Variants in PLEKHA5 observed in about 807,000 individuals in gnomAD.
PLEKHA5 encodes pleckstrin homology domain-containing family A member 5.
A neutral mutation model predicts 181.9 loss-of-function variants in PLEKHA5; 55 were observed. The observed-to-expected ratio is 0.30, with a 90% CI of 0.24 to 0.38. The LOEUF (loss-of-function observed/expected upper bound fraction) is 0.38, where lower values mean the gene tolerates loss of function less well. Ranked by LOEUF, PLEKHA5 falls within the 10% of genes least tolerant of loss-of-function variation. The pLI, the probability that PLEKHA5 is intolerant of heterozygous loss-of-function variation, is 1.00. For missense variants in PLEKHA5, 1,432 were observed against 1,549.5 expected (o/e 0.92, Z 1.27); for synonymous variants, 535 against 529.4 (o/e 1.01, Z -0.15).
chr12:19,360,607 A>AAAAAAAG (rs534487315), intron 28 of PLEKHA5, among the ~76,000 whole-genome samples: 73 of 152,136 alleles, frequency 4.8e-4, no homozygotes, highest in African/African-American at 1.6e-3. Context: ...TTCCGTCTCA[A>AAAAAAAG]AAAAAAGAAA....
chr12:19,296,809 A>C (rs2079931191), intron 15 of PLEKHA5, among the ~76,000 whole-genome samples: 1 of 152,204 alleles, frequency 6.6e-6, no homozygotes, highest in Non-Finnish European at 1.5e-5. Context: ...ATGAGTGAAG[A>C]GGTAGCACTT....
intron 15 of PLEKHA5, among the ~76,000 whole-genome samples, chr12:19,309,943 C>A (rs1272871690): frequency 6.6e-6 from 1 of 152,076 alleles, no homozygotes; most frequent in Non-Finnish European, 1.5e-5. Context: ...TGTTGATGTA[C>A]AATTTCGAAA....
chr12:19,315,387 C>A (rs2088227256), intron 16 of PLEKHA5, among the ~76,000 whole-genome samples: 1 of 152,020 alleles, frequency 6.6e-6, no homozygotes, highest in Admixed American at 6.6e-5. Flanking sequence ...TTAAAGATAG[C>A]CACTTTTTAA....
chr12:19,263,346 T>C (rs2069146603), intron 7 of PLEKHA5, among the ~76,000 whole-genome samples: 1 of 152,168 alleles, frequency 6.6e-6, no homozygotes, highest in Non-Finnish European at 1.5e-5. Flanking sequence ...AATTCGCAAG[T>C]GGCACAGTCA....
At chr12:19,371,117 A>G (rs1446562589) in intron 31 of PLEKHA5, 1 of 151,932 alleles carries the variant, frequency 6.6e-6, no homozygotes, top group Non-Finnish European at 1.5e-5. Flanking sequence ...GGCTCAAGCA[A>G]TCCTCCCACC....
chr12:19,353,916 A>G lies in PLEKHA5; in HGVS notation c.3052A>G (p.Arg1018Gly), dbSNP rs751349073. The G allele has an allele frequency of 6.2e-7, 1 of 1,609,108 alleles. No homozygotes were observed. The highest frequency in any genetic ancestry group is 8.5e-7 in the Non-Finnish European group (1 of 1,175,588). The change falls in exon 26 of 32, where the codon AGA (arginine) becomes GGA (glycine). Residue 1018 changes from arginine to glycine, a missense_variant. By Grantham distance (125) the Arg-to-Gly change is moderately radical. Around this residue, in one of 2 missense-constraint regions of PLEKHA5, gnomAD observed 1,143 missense variants for 1,168.4 expected, o/e 0.98. Transcript: ENST00000429027. ...SHFPVGVVPPRAKSPTPESST... is the reference protein window; with the variant it reads ...SHFPVGVVPPGAKSPTPESST... ...CTTTCCTGTTGGAGTAGTCCCTCCA[A>G]GAGCAAAATCACCAACACCCGAATC... is the stretch of plus-strand genomic sequence containing the variant.
chr12:19,346,127 G>A (rs900783838), intron 23 of PLEKHA5, among the ~76,000 whole-genome samples: 2 of 151,684 alleles, frequency 1.3e-5, no homozygotes, highest in African/African-American at 2.4e-5. Context: ...GAATTTTAAC[G>A]TTGTCATACT....
intron 3 of PLEKHA5, among the ~76,000 whole-genome samples, chr12:19,164,673 T>G (rs1319409898): frequency 6.6e-6 from 1 of 152,186 alleles, no homozygotes; most frequent in Non-Finnish European, 1.5e-5. Flanking sequence ...GTCTTGTCCC[T>G]TGGCTCATCT....
chr12:19,283,566 A>G lies in PLEKHA5; in HGVS notation c.1600A>G (p.Lys534Glu), dbSNP rs763407361. The G allele has an allele frequency of 6.2e-7, 1 of 1,614,144 alleles. No individual in the cohort carries two copies. The highest frequency in any genetic ancestry group is 8.5e-7 in the Non-Finnish European group (1 of 1,179,996). Residue 534 changes from lysine to glutamate, a missense_variant, in exon 12 of 32, where the codon AAA becomes GAA. Lys to Glu is a moderately conservative substitution (Grantham distance 56). Around this residue, in one of 2 missense-constraint regions of PLEKHA5, gnomAD observed 1,143 missense variants for 1,168.4 expected, o/e 0.98. Transcript: ENST00000429027. ...LPRHSTLSSP[K>E]TMVNISDQTM... ...TCGACACAGTACTTTGAGTAGTCCC[A>G]AAACCATGGTAAATATTTCTGACCA...
At chr12:19,371,562 T>C (rs539489958) in intron 31 of PLEKHA5, 89 of 176,810 alleles carry the variant, frequency 5.0e-4, no homozygotes, top group African/African-American at 2.0e-3. Flanking sequence ...ACATATGATA[T>C]TTGGTTTTCC....
At position 19,369,696 on chromosome 12, in the gene PLEKHA5, A is replaced by G. The variant is rs150289434; in HGVS notation, c.3758A>G (p.Lys1253Arg). 10 of 1,599,632 alleles carry G rather than the reference A, an allele frequency of 6.3e-6. No individual in the cohort carries two copies. The African/African-American group carries it at 1.1e-4, about 17-fold the overall frequency. The stretch of plus-strand genomic sequence containing the variant: ...CCATTTTCTTTGTGTGTTTTAGTGA[A>G]AAGTCTGTCCCCATCTCCTGAGTCC... Reference protein sequence around the residue: ...VSRGNQTMAVKSLSPSPESSA... With the variant: ...VSRGNQTMAVRSLSPSPESSA... Residue 1253 changes from lysine to arginine, a missense_variant, in exon 31 of 32, where the codon AAA becomes AGA. Transcript: ENST00000429027.
chr12:19,209,931 C>T (rs905068106), intron 3 of PLEKHA5, among the ~76,000 whole-genome samples: 4 of 152,190 alleles, frequency 2.6e-5, no homozygotes, highest in African/African-American at 9.7e-5. Context: ...CCTGCTCATT[C>T]CTCTCATCAA....
At chr12:19,344,874 C>G (rs536387941) in intron 22 of PLEKHA5, among the ~76,000 whole-genome samples, 67 of 151,168 alleles carry the variant, frequency 4.4e-4, no homozygotes, top group Non-Finnish European at 8.4e-4. Context: ...TTTGGGAGGC[C>G]GAGGCAGGCG....
At chr12:19,359,898 G>A (rs1006303172) in intron 28 of PLEKHA5, among the ~76,000 whole-genome samples, 1 of 151,680 alleles carries the variant, frequency 6.6e-6, no homozygotes, top group African/African-American at 2.4e-5. Flanking sequence ...TCTGGGAGGC[G>A]GAGCTTGCAG....
chr12:19,141,600 C>G (rs541817453), intron 3 of PLEKHA5, among the ~76,000 whole-genome samples: 1 of 152,236 alleles, frequency 6.6e-6, no homozygotes, highest in South Asian at 2.1e-4. Flanking sequence ...AGCTTTTTGC[C>G]TTGTGTTGCA....
chr12:19,137,691 T>G (rs2036062873), intron 3 of PLEKHA5, among the ~76,000 whole-genome samples: 1 of 152,180 alleles, frequency 6.6e-6, no homozygotes. Flanking sequence ...TCTTTCGTTT[T>G]CAAGTTGGTG....
At chr12:19,152,279 A>G (rs1367273447) in intron 3 of PLEKHA5, 3 of 152,236 alleles carry the variant, frequency 2.0e-5, no homozygotes, top group Admixed American at 6.5e-5. Flanking sequence ...CCAAAACTTC[A>G]TAATCTTTAA....
chr12:19,349,677 T>C (rs2101652), intron 25 of PLEKHA5, among the ~76,000 whole-genome samples: 150,883 of 151,202 alleles, frequency 1, 75,283 homozygotes, highest in Middle Eastern at 1. Context: ...GAGGCCGAGG[T>C]GGGCGGATCA....
At chr12:19,287,988 G>A in intron 13 of PLEKHA5, 1 of 216,516 alleles carries the variant, frequency 4.6e-6, no homozygotes, top group East Asian at 1.3e-4. Flanking sequence ...TGAGGCAGGA[G>A]AATCACTTGA....
Sources: gnomAD v4.1 joint callset for allele counts (sites outside exome capture counted in the v4.1 genomes callset) on GRCh38, gnomAD v4.1.1 for gene constraint, gnomAD v4.1.1 regional missense constraint, MANE v1.5 for transcripts, NCBI Gene and HGNC (gene_info 2026-07-23, HGNC 2026-07-21) for gene names.